The following FGGY variants were observed in gnomAD, a reference collection of about 807,000 sequenced individuals.
FGGY encodes FGGY carbohydrate kinase domain containing, also known as FGGY carbohydrate kinase domain-containing protein.
In FGGY, 72 loss-of-function variants were observed where a neutral mutation model predicts 71.3. That is an observed-to-expected ratio of 1.01 (90% CI 0.84 to 1.23). The LOEUF is 1.23. FGGY is among the 50% of genes most tolerant of loss of function. FGGY has a pLI of 0.00. For synonymous variants in FGGY, 251 were observed against 250.3 expected (o/e 1.00, Z -0.02); for missense variants, 668 against 682.3 (o/e 0.98, Z 0.23).
At chr1:59,474,166 C>T (rs2093142502) in intron 6 of FGGY, 1 of 152,170 alleles carries the variant, frequency 6.6e-6, no homozygotes, top group African/African-American at 2.4e-5. Context: ...GCCAGAAGGG[C>T]AAAGGAGTAA....
chr1:59,573,517 G>T (rs2096024494), intron 8 of FGGY, among the ~76,000 whole-genome samples: 1 of 151,894 alleles, frequency 6.6e-6, no homozygotes, highest in Non-Finnish European at 1.5e-5. Context: ...AACAATATGT[G>T]AACAATATGT....
At chr1:59,713,171 A>G (rs1438835652) in intron 14 of FGGY, among the ~76,000 whole-genome samples, 1 of 152,182 alleles carries the variant, frequency 6.6e-6, no homozygotes, top group Non-Finnish European at 1.5e-5. Flanking sequence ...CTTTGCTCCC[A>G]TTCCCACAAG....
chr1:59,334,724 A>G (rs547413289), intron 2 of FGGY, among the ~76,000 whole-genome samples: 1 of 152,296 alleles, frequency 6.6e-6, no homozygotes, highest in African/African-American at 2.4e-5. Context: ...ATATATTTTA[A>G]GGTGAATTTC....
intron 11 of FGGY, among the ~76,000 whole-genome samples, chr1:59,645,552 CTCA>C (rs1382735038): frequency 6.6e-6 from 1 of 152,158 alleles, no homozygotes; most frequent in East Asian, 1.9e-4. Flanking sequence ...CCTCAGTTTC[CTCA>C]TCAATACAAC....
intron 1 of FGGY, among the ~76,000 whole-genome samples, chr1:59,319,723 A>G (rs2046054464): frequency 6.6e-6 from 1 of 152,134 alleles, no homozygotes; most frequent in East Asian, 1.9e-4. Flanking sequence ...TGGAGTGAGA[A>G]TGAGCAGGAC....
At chr1:59,472,365 C>T (rs1044676355) in intron 6 of FGGY, among the ~76,000 whole-genome samples, 1 of 152,338 alleles carries the variant, frequency 6.6e-6, no homozygotes, top group South Asian at 2.1e-4. Flanking sequence ...CCTGAGCCTC[C>T]CCCTGTTCCG....
intron 14 of FGGY, among the ~76,000 whole-genome samples, chr1:59,710,885 A>AT (rs1377115683): frequency 6.6e-6 from 1 of 152,216 alleles, no homozygotes; most frequent in Non-Finnish European, 1.5e-5. Flanking sequence ...CAGTGTGGCG[A>AT]TTCCTCAAGG....
chr1:59,730,307 C>CTT (rs35424239), intron 14 of FGGY, among the ~76,000 whole-genome samples: 1 of 139,186 alleles, frequency 7.2e-6, no homozygotes, highest in Non-Finnish European at 1.6e-5. Flanking sequence ...AGTTTCTTAG[C>CTT]TTTTTTTTTT....
intron 14 of FGGY, among the ~76,000 whole-genome samples, chr1:59,712,670 C>A (rs966647358): frequency 1.4e-4 from 21 of 152,280 alleles, no homozygotes; most frequent in Middle Eastern, 6.8e-3. Context: ...AGGCTTGCAC[C>A]CTCTGAAGCC....
rs2096888626 is a variant in FGGY at position 59,629,468 on chromosome 1, TA to T, written c.1073+3420del. Reference sequence around the variant, plus strand: ...TCTTTAGTTATAATGCCATTGCAATTAGTCATTAATTACAATTACCATTGAG... The same window carrying T: ...TCTTTAGTTATAATGCCATTGCAATTGTCATTAATTACAATTACCATTGAG... On this transcript the variant is annotated intron_variant, in intron 10 of 15. Coordinates refer to ENST00000303721, the MANE Select transcript of FGGY (RefSeq NM_018291.5). Among the ~76,000 whole-genome samples the T allele has an allele frequency of 2.0e-5, 3 of 152,188 alleles. No individual in the cohort carries two copies. The South Asian group carries it at 6.2e-4, about 31-fold the overall frequency.
intron 5 of FGGY, among the ~76,000 whole-genome samples, chr1:59,383,694 C>T (rs543322477): frequency 6.6e-6 from 1 of 152,260 alleles, no homozygotes; most frequent in South Asian, 2.1e-4. Flanking sequence ...CCTTGGTCTC[C>T]ACAACTCCTT....
intron 8 of FGGY, among the ~76,000 whole-genome samples, chr1:59,559,783 A>G (rs570926928): frequency 3.0e-4 from 45 of 152,342 alleles, no homozygotes; most frequent in South Asian, 6.2e-4. Flanking sequence ...CCAAAACTGG[A>G]ACAATTTAAG....
chr1:59,650,429 C>A (rs1185348177), intron 11 of FGGY, among the ~76,000 whole-genome samples: 1 of 114,998 alleles, frequency 8.7e-6, no homozygotes, highest in Non-Finnish European at 1.6e-5. Flanking sequence ...AATTTCAGAG[C>A]CTGTTATTGG....
At chr1:59,641,944 T>C (rs2097033268) in intron 11 of FGGY, among the ~76,000 whole-genome samples, 1 of 152,108 alleles carries the variant, frequency 6.6e-6, no homozygotes, top group South Asian at 2.1e-4. Flanking sequence ...ATGGTTGGGT[T>C]TTTTGTTTTC....
At chr1:59,527,812 C>T (rs973529134) in intron 7 of FGGY, among the ~76,000 whole-genome samples, 3 of 152,130 alleles carry the variant, frequency 2.0e-5, no homozygotes, top group African/African-American at 7.2e-5. Context: ...TCCAATCATC[C>T]ATCGTTAATC....
At chr1:59,381,432 CT>C (rs985194686) in intron 5 of FGGY, among the ~76,000 whole-genome samples, 2 of 151,860 alleles carry the variant, frequency 1.3e-5, no homozygotes, top group Non-Finnish European at 2.9e-5. Flanking sequence ...TTTCTATTAA[CT>C]TTTTTTTCAC....
rs572396662 is a variant in FGGY at position 59,652,129 on chromosome 1, G to T, written c.1222-8090G>T. Among the ~76,000 whole-genome samples, 79 of 152,296 alleles carry T rather than the reference G, an allele frequency of 5.2e-4. 1 individual carries two copies. Among genetic ancestry groups the T allele is most frequent in the Non-Finnish European group, 8.4e-4 (57 of 68,042 alleles). ...GTTTCTGCCGAGAGATCAGCCGTTAGTCTGATGGGCTTCCCTTTGAGGGTA... is the reference window on the plus strand; with the variant it reads ...GTTTCTGCCGAGAGATCAGCCGTTATTCTGATGGGCTTCCCTTTGAGGGTA... On this transcript the variant is annotated intron_variant, in intron 11 of 15. Coordinates refer to ENST00000303721, the MANE Select transcript of FGGY (RefSeq NM_018291.5).
chr1:59,633,724 C>A (rs2096930308), intron 10 of FGGY, among the ~76,000 whole-genome samples: 1 of 152,092 alleles, frequency 6.6e-6, no homozygotes, highest in Non-Finnish European at 1.5e-5. Context: ...GATACTTGAC[C>A]TGGAACTCAT....
chr1:59,723,605 G>A (rs963913702), intron 14 of FGGY, among the ~76,000 whole-genome samples: 2 of 150,368 alleles, frequency 1.3e-5, no homozygotes, highest in African/African-American at 4.9e-5. Context: ...TAGTTTTTCA[G>A]ACTCTACTAA....
Sources: gnomAD v4.1 joint callset for allele counts (sites outside exome capture counted in the v4.1 genomes callset) on GRCh38, gnomAD v4.1.1 for gene constraint, MANE v1.5 for transcripts, NCBI Gene and HGNC (gene_info 2026-07-23, HGNC 2026-07-21) for gene names.